FBXW7: variants seen among roughly 807,000 people sequenced by gnomAD.
FBXW7 encodes the protein F-box and WD repeat domain containing 7, also known as F-box/WD repeat-containing protein 7.
FBXW7 carries 11 observed loss-of-function variants against 86.3 expected under a neutral mutation model. The ratio of observed to expected loss-of-function variants is 0.13; its 90% CI spans 0.08 to 0.21. The LOEUF (loss-of-function observed/expected upper bound fraction) is 0.21. Ranked by LOEUF, FBXW7 falls within the 10% of genes least tolerant of loss-of-function variation. The pLI, the probability that FBXW7 is intolerant of heterozygous loss-of-function variation, is 1.00. For synonymous variants in FBXW7, 313 were observed against 297.9 expected (o/e 1.05, Z -0.52); for missense variants, 488 against 847.4 (o/e 0.58, Z 5.27).
chr4:152,325,946 G>A lies in FBXW7; in HGVS notation c.1644+60C>T. On this transcript the variant is annotated intron_variant, in intron 12 of 13. Transcript: ENST00000281708. ...ATCAGCAATTTGACAGTGATTATCTGAGTAAAACAACCTTATGATTCATCA... is the reference window on the plus strand; with the variant it reads ...ATCAGCAATTTGACAGTGATTATCTAAGTAAAACAACCTTATGATTCATCA... 2.1e-6 allele frequency: 3 copies of A among 1,411,256 alleles called. No individual in the cohort carries two copies. In the Admixed American group the frequency reaches 5.1e-5, roughly 24 times the overall value. 87.4% of individuals were successfully genotyped at this position (1,411,256 alleles called of 1,614,324 possible). A position where few individuals can be genotyped will look rare whatever the true frequency, so the allele number is the denominator to read the frequency against.
intron 11 of FBXW7, among the ~76,000 whole-genome samples, chr4:152,327,211 G>A (rs991081392): frequency 1.6e-4 from 24 of 151,900 alleles, no homozygotes; most frequent in Non-Finnish European, 3.2e-4. Context: ...TGGAATACAA[G>A]GTCTCTTGAT....
chr4:152,345,840 C>G (rs1010741071), intron 6 of FBXW7, among the ~76,000 whole-genome samples: 2 of 151,982 alleles, frequency 1.3e-5, no homozygotes, highest in African/African-American at 4.8e-5. Context: ...AAGTGAACAC[C>G]TTAAAAATCT....
chr4:152,408,883 G>C (rs997894842), intron 4 of FBXW7, among the ~76,000 whole-genome samples: 1 of 152,176 alleles, frequency 6.6e-6, no homozygotes, highest in Non-Finnish European at 1.5e-5. Context: ...CTTTCAAACA[G>C]TGTGAGCTTA....
At chr4:152,506,406 T>G (rs1422568626) in intron 2 of FBXW7, among the ~76,000 whole-genome samples, 1 of 152,210 alleles carries the variant, frequency 6.6e-6, no homozygotes, top group Non-Finnish European at 1.5e-5. Context: ...GTTGGGATTA[T>G]AGGCGTGAGC....
intron 5 of FBXW7, 69 bp from the exon 6 acceptor site, chr4:152,347,140 A>C: frequency 8.0e-7 from 1 of 1,256,060 alleles, no homozygotes; most frequent in Non-Finnish European, 1.1e-6. Flanking sequence ...GCAAAGATAG[A>C]TACTTATTAA....
At chr4:152,521,558 T>G (rs1228058810) in intron 2 of FBXW7, among the ~76,000 whole-genome samples, 1 of 152,120 alleles carries the variant, frequency 6.6e-6, no homozygotes, top group East Asian at 1.9e-4. Flanking sequence ...CTTCCAAAGA[T>G]AATACACAAC....
At chr4:152,400,064 A>T (rs1208288224) in intron 4 of FBXW7, among the ~76,000 whole-genome samples, 2 of 152,220 alleles carry the variant, frequency 1.3e-5, no homozygotes, top group Non-Finnish European at 2.9e-5. Context: ...CTATAAAGCT[A>T]CAGTAACCAA....
intron 2 of FBXW7, among the ~76,000 whole-genome samples, chr4:152,484,017 TG>T (rs1745127053): frequency 6.6e-6 from 1 of 152,148 alleles, no homozygotes; most frequent in African/African-American, 2.4e-5. Flanking sequence ...TGACTAGAAT[TG>T]CTATTAATTT....
At chr4:152,425,738 G>A (rs1040463496) in intron 2 of FBXW7, among the ~76,000 whole-genome samples, 16 of 151,950 alleles carry the variant, frequency 1.1e-4, no homozygotes, top group African/African-American at 3.4e-4. Context: ...AGAGTTTTTC[G>A]AAACCTGGAA....
chr4:152,416,295 T>C (rs1380779918), intron 2 of FBXW7, among the ~76,000 whole-genome samples: 1 of 152,148 alleles, frequency 6.6e-6, no homozygotes, highest in Non-Finnish European at 1.5e-5. Context: ...TTTAAATACA[T>C]TTTTTAAAGT....
At chr4:152,414,762 G>A in intron 2 of FBXW7, among the ~76,000 whole-genome samples, 1 of 152,136 alleles carries the variant, frequency 6.6e-6, no homozygotes, top group Non-Finnish European at 1.5e-5. Context: ...GTCCAGAGAG[G>A]TCCTGACCTA....
chr4:152,518,865 C>T (rs1748743896), intron 2 of FBXW7, among the ~76,000 whole-genome samples: 1 of 152,080 alleles, frequency 6.6e-6, no homozygotes, highest in South Asian at 2.1e-4. Context: ...ACTATGTTCT[C>T]ACAGTATTAA....
At chr4:152,323,977 A>T in intron 13 of FBXW7, 1 of 542,358 alleles carries the variant, frequency 1.8e-6, no homozygotes, top group Non-Finnish European at 3.3e-6. Context: ...GTGATTAAAC[A>T]ATTTTATATT....
At chr4:152,447,785 AG>A (rs1741539517) in intron 2 of FBXW7, among the ~76,000 whole-genome samples, 2 of 152,236 alleles carry the variant, frequency 1.3e-5, no homozygotes, top group Admixed American at 1.3e-4. Flanking sequence ...GTACAACTCA[AG>A]AGATCAAGAA....
chr4:152,324,482 G>T (rs1178265641), intron 12 of FBXW7, 88 bp from the exon 13 acceptor site: 1 of 1,106,850 alleles, frequency 9.0e-7, no homozygotes, highest in Non-Finnish European at 1.3e-6. Flanking sequence ...AGGGGGAAGA[G>T]GATGGGAAAC....
At chr4:152,422,895 A>C (rs1739067990) in intron 2 of FBXW7, among the ~76,000 whole-genome samples, 1 of 152,210 alleles carries the variant, frequency 6.6e-6, no homozygotes, top group African/African-American at 2.4e-5. Context: ...TGCTACTTCT[A>C]TTCAGTCTCT....
At chr4:152,479,172 C>T (rs1053888906) in intron 2 of FBXW7, among the ~76,000 whole-genome samples, 3 of 151,992 alleles carry the variant, frequency 2.0e-5, no homozygotes, top group African/African-American at 4.8e-5. Flanking sequence ...TCAATGGAGA[C>T]GAACCTCCTA....
Position 152,534,444 on chromosome 4 carries a change from T to C in FBXW7, c.-120+497A>G, listed in dbSNP as rs994736652. Among the ~76,000 whole-genome samples the C allele has an allele frequency of 2.0e-5, 3 of 152,236 alleles. No homozygotes were observed. In the East Asian group the frequency reaches 5.8e-4, roughly 29 times the overall value. On this transcript the variant is annotated intron_variant, in intron 2 of 13. Transcript: ENST00000281708. ...CAGTAACTGAGAAGGTTAACTCCTG[T>C]ACCAATAGGTACTGAAATGAACCTC...
chr4:152,490,439 T>A (rs1473464269), intron 2 of FBXW7, among the ~76,000 whole-genome samples: 1 of 152,092 alleles, frequency 6.6e-6, no homozygotes, highest in Non-Finnish European at 1.5e-5. Context: ...ATTTAATAAG[T>A]ACCAGGCATT....
Sources: gnomAD v4.1 joint callset for allele counts (sites outside exome capture counted in the v4.1 genomes callset) on GRCh38, gnomAD v4.1.1 for gene constraint, MANE v1.5 for transcripts, NCBI Gene and HGNC (gene_info 2026-07-23, HGNC 2026-07-21) for gene names.